Variants in NUTM2E observed in about 807,000 individuals in gnomAD.
NUTM2E encodes the protein NUT family member 2E.
Under a neutral mutation model 26.1 loss-of-function variants are expected in NUTM2E, and 3 were observed. The observed-to-expected ratio is 0.12, with a 90% CI of 0.05 to 0.30. NUTM2E has a LOEUF of 0.30. NUTM2E is among the 10% of genes least tolerant of loss of function. NUTM2E has a pLI of 1.00. For missense variants in NUTM2E, 62 were observed against 381.3 expected (o/e 0.16, Z 6.97); for synonymous variants, 13 against 157.5 (o/e 0.08, Z 6.87).
chr10:79,834,166 C>T (rs61862765), intron 1 of NUTM2E, among the ~76,000 whole-genome samples: 9,681 of 149,334 alleles, frequency 0.065, 596 homozygotes, highest in South Asian at 0.2. Context: ...AACAATGACA[C>T]GTGGGCACAT....
chr10:79,835,284 C>T (rs1165433203), intron 1 of NUTM2E, among the ~76,000 whole-genome samples: 3 of 150,986 alleles, frequency 2.0e-5, no homozygotes, highest in Non-Finnish European at 4.4e-5. Context: ...ACTCTAGTCT[C>T]CTCAATTATA....
At chr10:79,828,380 A>T (rs959768104) in intron 1 of NUTM2E, among the ~76,000 whole-genome samples, 1 of 151,870 alleles carries the variant, frequency 6.6e-6, no homozygotes, top group Non-Finnish European at 1.5e-5. Flanking sequence ...CTACGTTTTT[A>T]TGTCTGTAAC....
At chr10:79,830,257 TA>T (rs1209415274) in intron 1 of NUTM2E, among the ~76,000 whole-genome samples, 1 of 151,618 alleles carries the variant, frequency 6.6e-6, no homozygotes, top group Non-Finnish European at 1.5e-5. Flanking sequence ...ATCCTAAGAA[TA>T]AAAAAGATTC....
intron 1 of NUTM2E, among the ~76,000 whole-genome samples, chr10:79,834,629 C>T (rs1841949266): frequency 6.7e-6 from 1 of 149,260 alleles, no homozygotes; most frequent in Non-Finnish European, 1.5e-5. Context: ...GATCACGCCA[C>T]CATACTCCAG....
intron 4 of NUTM2E, among the ~76,000 whole-genome samples, chr10:79,842,458 C>T (rs1315370791): frequency 5.5e-5 from 4 of 72,346 alleles, no homozygotes; most frequent in African/African-American, 1.6e-4. Flanking sequence ...CTGGTGGCCC[C>T]GGGAGGATGA....
At position 79,838,576 on chromosome 10, in the gene NUTM2E, T is replaced by C. The variant is rs57480925; in HGVS notation, c.-2460T>C. Among the ~76,000 whole-genome samples, 43,419 of 139,020 alleles carry C rather than the reference T, an allele frequency of 0.31. 3,189 individuals are homozygous for C. The highest frequency in any genetic ancestry group is 0.44 in the Non-Finnish European group (26,671 of 60,732). The allele number at this position is 139,020 out of a possible 152,430, so 91.2% of individuals were successfully genotyped here. A position where few individuals can be genotyped will look rare whatever the true frequency, so the allele number is the denominator to read the frequency against. On this transcript the variant is annotated 5_prime_UTR_variant, in exon 2 of 10. Coordinates refer to ENST00000429984, the MANE Select transcript of NUTM2E (RefSeq NM_001355263.2). Reference sequence around the variant, plus strand: ...TGCATTGTTACACCTCCCCCCTCACTTCAGGGCCAGGTGAGCAAGGGAAAG... The same window carrying C: ...TGCATTGTTACACCTCCCCCCTCACCTCAGGGCCAGGTGAGCAAGGGAAAG...
chr10:79,828,492 T>A (rs1841905577), intron 1 of NUTM2E, among the ~76,000 whole-genome samples: 1 of 151,916 alleles, frequency 6.6e-6, no homozygotes, highest in Non-Finnish European at 1.5e-5. Context: ...TCTGTCACAC[T>A]CTATATTTTT....
rs1257364564 is a variant in NUTM2E at position 79,827,204 on chromosome 10, C to CT, written c.-2878dup. 3 of 152,556 alleles carry CT rather than the reference C, an allele frequency of 2.0e-5. No homozygotes were observed. Among genetic ancestry groups the CT allele is most frequent in the Non-Finnish European group, 4.4e-5 (3 of 67,620 alleles). 9.5% of individuals were successfully genotyped at this position (152,556 alleles called of 1,614,324 possible). ...AGGGGCGGCAGGGCCCCATCTGTGT[C>CT]TTTCGCTCTCGAGCCCCCAGCTAGA... On this transcript the variant is annotated 5_prime_UTR_variant, in exon 1 of 10. It introduces an in-frame stop codon into an upstream open reading frame of the 5' UTR. Transcript: ENST00000429984.
chr10:79,831,603 A>T (rs1243762909), intron 1 of NUTM2E, among the ~76,000 whole-genome samples: 1 of 151,996 alleles, frequency 6.6e-6, no homozygotes, highest in Non-Finnish European at 1.5e-5. Context: ...AAAGGGGAAA[A>T]GAAGTATATA....
chr10:79,835,034 C>T (rs1841953068), intron 1 of NUTM2E, among the ~76,000 whole-genome samples: 1 of 150,776 alleles, frequency 6.6e-6, no homozygotes. Flanking sequence ...AATAAACTGC[C>T]TTGTTGCTGT....
intron 1 of NUTM2E, among the ~76,000 whole-genome samples, chr10:79,835,587 A>G (rs2132415757): frequency 1.0e-5 from 1 of 99,568 alleles, no homozygotes; most frequent in South Asian, 4.3e-4. Flanking sequence ...AGCTCAAACA[A>G]TGTGATATGA....
rs1411613234 is a variant in NUTM2E at position 79,845,520 on chromosome 10, CTA to C, written c.1082+650_1082+651del. Among the ~76,000 whole-genome samples, 29 of 107,866 alleles carry C rather than the reference CTA, an allele frequency of 2.7e-4. 8 individuals carry two copies. The highest frequency in any genetic ancestry group is 7.7e-4 in the African/African-American group (27 of 34,862). 70.8% of individuals were successfully genotyped at this position (107,866 alleles called of 152,430 possible). A position where few individuals can be genotyped will look rare whatever the true frequency, so the allele number is the denominator to read the frequency against. ...TGCATAGCACAGTGCCTGGCACATG[CTA>C]TGATACATTACATGACAGCAGTTAC... On this transcript the variant is annotated intron_variant, in intron 5 of 9. Coordinates refer to ENST00000429984, the MANE Select transcript of NUTM2E (RefSeq NM_001355263.2).
At chr10:79,828,582 G>A (rs959839779) in intron 1 of NUTM2E, among the ~76,000 whole-genome samples, 1 of 151,916 alleles carries the variant, frequency 6.6e-6, no homozygotes, top group African/African-American at 2.4e-5. Flanking sequence ...AGAAGGAAAT[G>A]ATTCTGTGAA....
chr10:79,845,371 G>A (rs1359247562), intron 5 of NUTM2E, among the ~76,000 whole-genome samples: 1 of 113,432 alleles, frequency 8.8e-6, no homozygotes, highest in African/African-American at 2.8e-5. Context: ...ATGGTCTCGG[G>A]CCCTGCACTG....
At position 79,838,885 on chromosome 10, in the gene NUTM2E, G is replaced by A. The variant is rs1240683309; in HGVS notation, c.-2344G>A. Among the ~76,000 whole-genome samples, 3 of 149,742 alleles carry A rather than the reference G, an allele frequency of 2.0e-5. No individual in the cohort carries two copies. Among genetic ancestry groups the A allele is most frequent in the Non-Finnish European group, 1.5e-5 (1 of 67,128 alleles). ...TCAACCGCCGCAACTGGCGCTGGGA[G>A]CGGTTGAGGGCGGCCGGCCTCGCGC... On this transcript the variant is annotated 5_prime_UTR_variant, in exon 3 of 10. Coordinates refer to ENST00000429984, the MANE Select transcript of NUTM2E (RefSeq NM_001355263.2).
chr10:79,840,718 T>G lies in NUTM2E; in HGVS notation c.-1023T>G, dbSNP rs1841993764. On this transcript the variant is annotated 5_prime_UTR_variant, in exon 4 of 10. Transcript: ENST00000429984. ...TTCGAAAGGGCAAATGCTTCGTAAG[T>G]GCCGACAGGGTGTGTTTCAGTGAAT... is the stretch of plus-strand genomic sequence containing the variant. 2.0e-5 allele frequency among the ~76,000 whole-genome samples: 3 copies of G among 150,848 alleles called. No homozygotes were observed.
intron 1 of NUTM2E, among the ~76,000 whole-genome samples, chr10:79,833,117 G>A (rs1365225242): frequency 2.0e-5 from 3 of 151,844 alleles, no homozygotes; most frequent in Admixed American, 6.6e-5. Context: ...TAAAAGAAAT[G>A]TTGAACATAG....
At chr10:79,838,621 C>T (rs897197258) in intron 2 of NUTM2E, among the ~76,000 whole-genome samples, 35 bp downstream of exon 2, 7 of 150,200 alleles carry the variant, frequency 4.7e-5, no homozygotes, top group Non-Finnish European at 4.5e-5. Flanking sequence ...CTGGGCATCC[C>T]GCAGGGCCCC....
chr10:79,839,004 G>A lies in NUTM2E; in HGVS notation c.-2225G>A, dbSNP rs1309732429. Among the ~76,000 whole-genome samples, 1 of 149,768 alleles carries A rather than the reference G, an allele frequency of 6.7e-6. No individual in the cohort carries two copies. The highest frequency in any genetic ancestry group is 1.5e-5 in the Non-Finnish European group (1 of 67,306). ...GCCCCGCTGGAGATGTGGAAATGGA[G>A]GGACGCGGCACCTGGGTGCTTCCTG... On this transcript the variant is annotated 5_prime_UTR_variant, in exon 3 of 10. Coordinates refer to ENST00000429984, the MANE Select transcript of NUTM2E (RefSeq NM_001355263.2).
Sources: gnomAD v4.1 joint callset for allele counts (sites outside exome capture counted in the v4.1 genomes callset) on GRCh38, gnomAD v4.1.1 for gene constraint, MANE v1.5 for transcripts, NCBI Gene and HGNC (gene_info 2026-07-23, HGNC 2026-07-21) for gene names.